KCTD1: variants seen among roughly 807,000 people sequenced by gnomAD.
KCTD1 encodes BTB/POZ domain-containing protein KCTD1.
A neutral mutation model predicts 66.0 loss-of-function variants in KCTD1; 24 were observed. That is an observed-to-expected ratio of 0.36 (90% CI 0.26 to 0.51). The LOEUF is 0.51. Among genes scored for constraint, KCTD1 ranks in the 20% least tolerant of loss-of-function variants. The pLI is 0.95. For synonymous variants in KCTD1, 511 were observed against 517.2 expected, an observed-to-expected ratio of 0.99 and a Z score of 0.16; for missense variants, 943 against 1,205.2, an observed-to-expected ratio of 0.78 and a Z score of 3.22.
intron 1 of KCTD1, among the ~76,000 whole-genome samples, chr18:26,650,425 A>C (rs1421387727): frequency 6.6e-6 from 1 of 152,224 alleles, no homozygotes; most frequent in Non-Finnish European, 1.5e-5. Context: ...GCTCTTAACA[A>C]TATATGGATA....
At chr18:26,623,134 C>T (rs2145021056) in intron 1 of KCTD1, among the ~76,000 whole-genome samples, 1 of 152,218 alleles carries the variant, frequency 6.6e-6, no homozygotes, top group East Asian at 1.9e-4. Flanking sequence ...AGGTCTCTTC[C>T]CTCTCCCTGA....
intron 1 of KCTD1, among the ~76,000 whole-genome samples, chr18:26,568,556 T>C (rs1479461694): frequency 6.6e-6 from 1 of 152,164 alleles, no homozygotes; most frequent in African/African-American, 2.4e-5. Flanking sequence ...ACTTTTTAAA[T>C]GATTTCTTTT....
At chr18:26,586,876 G>T (rs1986485517) in intron 1 of KCTD1, among the ~76,000 whole-genome samples, 1 of 152,176 alleles carries the variant, frequency 6.6e-6, no homozygotes, top group Non-Finnish European at 1.5e-5. Flanking sequence ...AGCTAGCAGA[G>T]GTTGTTGGTT....
chr18:26,650,022 G>A (rs55860031), intron 1 of KCTD1, among the ~76,000 whole-genome samples: 60,594 of 152,032 alleles, frequency 0.4, 12,550 homozygotes, highest in Non-Finnish European at 0.47. Flanking sequence ...ATTTCATAGC[G>A]TAAGTGTCTG....
rs767495854 is a variant in KCTD1, at chr18:26,459,897, T to C, written c.2162A>G (p.Lys721Arg). Reference sequence around the variant, plus strand: ...CAACATGGGCTGAAGCTGAAAATATTTTGCCTCTTCATATAACAAAGTGTA... The same window carrying C: ...CAACATGGGCTGAAGCTGAAAATATCTTGCCTCTTCATATAACAAAGTGTA... ...KDYTLLYEEA[K>R]YFQLQPMLLE... Residue 721 changes from lysine to arginine, a missense_variant, in exon 4 of 5, where the codon AAA becomes AGA. Coordinates refer to ENST00000580059, the MANE Select transcript of KCTD1 (RefSeq NM_001142730.3). 3.7e-6 allele frequency: 6 copies of C among 1,600,786 alleles called. No individual in the cohort carries two copies. The South Asian group carries it at 6.7e-5, about 18-fold the overall frequency.
chr18:26,589,543 C>G (rs1025244873), intron 1 of KCTD1, among the ~76,000 whole-genome samples: 6 of 152,174 alleles, frequency 3.9e-5, no homozygotes, highest in African/African-American at 1.4e-4. Flanking sequence ...TTTAAATAAA[C>G]TTGAAAAGGG....
chr18:26,582,031 G>A (rs1439929620), intron 1 of KCTD1, among the ~76,000 whole-genome samples: 4 of 151,550 alleles, frequency 2.6e-5, no homozygotes, highest in African/African-American at 9.7e-5. Context: ...ACTTTGGAAC[G>A]CTGAGGTGGG....
At chr18:26,558,978 A>G (rs1985779253) in intron 1 of KCTD1, among the ~76,000 whole-genome samples, 1 of 152,104 alleles carries the variant, frequency 6.6e-6, no homozygotes, top group African/African-American at 2.4e-5. Context: ...AGATCCTGTC[A>G]TTTGCACCAA....
chr18:26,597,639 C>T (rs893996601), intron 1 of KCTD1, among the ~76,000 whole-genome samples: 1 of 150,694 alleles, frequency 6.6e-6, no homozygotes, highest in Non-Finnish European at 1.5e-5. Context: ...ATGAACACAC[C>T]TAGTACTGAG....
At chr18:26,517,160 C>T (rs1166674813) in intron 1 of KCTD1, among the ~76,000 whole-genome samples, 1 of 152,244 alleles carries the variant, frequency 6.6e-6, no homozygotes, top group East Asian at 1.9e-4. Flanking sequence ...GCTGGTAGTA[C>T]TGAAGTTTTA....
At chr18:26,478,909 AG>A (rs1319378887) in intron 2 of KCTD1, among the ~76,000 whole-genome samples, 13 of 152,374 alleles carry the variant, frequency 8.5e-5, no homozygotes, top group African/African-American at 3.1e-4. Context: ...TTTCTATAAA[AG>A]CAGCTCTTAA....
At chr18:26,570,869 C>T (rs1253122448) in intron 1 of KCTD1, among the ~76,000 whole-genome samples, 1 of 152,186 alleles carries the variant, frequency 6.6e-6, no homozygotes, top group East Asian at 1.9e-4. Context: ...TCTAAGAATG[C>T]CTCAGTCATG....
chr18:26,601,467 T>C (rs1319236828), intron 1 of KCTD1, among the ~76,000 whole-genome samples: 1 of 152,122 alleles, frequency 6.6e-6, no homozygotes, highest in African/African-American at 2.4e-5. Context: ...ATCCTTATGA[T>C]TACTGGAGCA....
intron 1 of KCTD1, among the ~76,000 whole-genome samples, chr18:26,647,336 C>CCCCCCCCCCCCCT (rs141104266): frequency 6.8e-6 from 1 of 146,700 alleles, no homozygotes; most frequent in African/African-American, 2.5e-5. Context: ...GTGAAACCCC[C>CCCCCCCCCCCCCT]CCCCCATCTC....
upstream of KCTD1, chr18:26,549,014 C>A (rs1985426150): frequency 1.0e-6 from 1 of 985,124 alleles, no homozygotes; most frequent in Non-Finnish European, 1.2e-6. Flanking sequence ...CCCTCATTGC[C>A]CCCCGGAGCC....
intron 4 of KCTD1, chr18:26,457,499 C>A (rs1320357605): frequency 6.6e-6 from 1 of 152,194 alleles, no homozygotes; most frequent in African/African-American, 2.4e-5. Context: ...AGAACCTAAC[C>A]CTGATGTCCA....
chr18:26,593,516 GGAA>G (rs1408042389), intron 1 of KCTD1, among the ~76,000 whole-genome samples: 56 of 89,594 alleles, frequency 6.3e-4, no homozygotes, highest in Admixed American at 9.0e-4. Flanking sequence ...ATGAGGAGGA[GGAA>G]GAAGACAAGG....
chr18:26,551,734 A>G (rs891234559), upstream of KCTD1, among the ~76,000 whole-genome samples: 1 of 152,366 alleles, frequency 6.6e-6, no homozygotes, highest in East Asian at 1.9e-4. Context: ...CAAGTTTAAT[A>G]AATGATCCCT....
intron 2 of KCTD1, among the ~76,000 whole-genome samples, chr18:26,497,247 C>A (rs958389190): frequency 2.6e-5 from 4 of 152,092 alleles, no homozygotes; most frequent in Admixed American, 2.0e-4. Flanking sequence ...TTTTAAACTA[C>A]AGGTCTTTCC....
Sources: gnomAD v4.1 joint callset for allele counts (sites outside exome capture counted in the v4.1 genomes callset) on GRCh38, gnomAD v4.1.1 for gene constraint, MANE v1.5 for transcripts, NCBI Gene and HGNC (gene_info 2026-07-23, HGNC 2026-07-21) for gene names.